FILIP1L: variants seen among roughly 807,000 people sequenced by gnomAD.
FILIP1L encodes filamin A interacting protein 1 like.
In FILIP1L, 55 loss-of-function variants were observed where a neutral mutation model predicts 96.6. The ratio of observed to expected loss-of-function variants is 0.57; its 90% CI spans 0.46 to 0.71. The LOEUF (loss-of-function observed/expected upper bound fraction) is 0.71. FILIP1L is among the 30% of genes least tolerant of loss of function. FILIP1L has a pLI of 0.00. For missense variants in FILIP1L, 1,304 were observed against 1,321.2 expected (o/e 0.99, Z 0.20); for synonymous variants, 467 against 473.9 (o/e 0.99, Z 0.19).
At chr3:100,014,612 A>G (rs1710264106) in intron 1 of FILIP1L, among the ~76,000 whole-genome samples, 1 of 152,020 alleles carries the variant, frequency 6.6e-6, no homozygotes, top group East Asian at 1.9e-4. Context: ...ATTTTTTCAT[A>G]TACCTGTTGG....
At chr3:99,932,781 C>T (rs1433012178) in intron 1 of FILIP1L, among the ~76,000 whole-genome samples, 1 of 152,152 alleles carries the variant, frequency 6.6e-6, no homozygotes, top group African/African-American at 2.4e-5. Flanking sequence ...ATCCCAGCTA[C>T]TCAGGAGGCT....
Position 99,850,049 on chromosome 3 carries a change from T to G in FILIP1L, c.1627A>C (p.Thr543Pro), listed in dbSNP as rs760939603. 25 of 1,611,236 alleles carry G rather than the reference T, an allele frequency of 1.6e-5. No homozygotes were observed. The highest frequency in any genetic ancestry group is 2.0e-5 in the Non-Finnish European group (24 of 1,179,342). Reference sequence around the variant, plus strand: ...GTTTTGGACTTGAGCGCCCTTTTAGTTTCCTCAATTAACTTCTCAGTAACT... The same window carrying G: ...GTTTTGGACTTGAGCGCCCTTTTAGGTTCCTCAATTAACTTCTCAGTAACT... ...TTVTEKLIEE[T>P]KRALKSKTDV... is the part of the protein sequence containing the mutation. Residue 543 changes from threonine to proline, a missense_variant, in exon 5 of 6, where the codon ACT becomes CCT. Physicochemically the swap from Thr to Pro is conservative, Grantham distance 38 (BLOSUM62 -1). Coordinates refer to ENST00000477258, the MANE Select transcript of FILIP1L (RefSeq NM_001387850.1).
At chr3:99,974,207 T>A (rs954744212) in intron 1 of FILIP1L, among the ~76,000 whole-genome samples, 2 of 152,254 alleles carry the variant, frequency 1.3e-5, no homozygotes, top group Admixed American at 1.3e-4. Context: ...CAATTTATCA[T>A]TGAAGGACTT....
chr3:99,848,779 A>G lies in FILIP1L; in HGVS notation c.2897T>C (p.Leu966Pro). Residue 966 changes from leucine (L) to proline (P), a missense_variant, in exon 5 of 6, where the codon CTC becomes CCC. Leu to Pro is a moderately conservative substitution (Grantham distance 98). Coordinates refer to ENST00000477258, the MANE Select transcript of FILIP1L (RefSeq NM_001387850.1). ...PVKSKTSTED[L>P]MNLEQGMSPI... ...GGACATGCCTTGTTCTAAATTCATG[A>G]GGTCTTCGGTAGAGGTTTTGGACTT... 1.9e-6 allele frequency: 3 copies of G among 1,614,088 alleles called. No individual in the cohort carries two copies. The highest frequency in any genetic ancestry group is 2.5e-6 in the Non-Finnish European group (3 of 1,180,000).
intron 4 of FILIP1L, among the ~76,000 whole-genome samples, chr3:99,880,868 G>A (rs1705702210): frequency 6.6e-6 from 1 of 151,988 alleles, no homozygotes; most frequent in East Asian, 1.9e-4. Flanking sequence ...AGTGTGGATG[G>A]ACCCTGTATG....
At chr3:99,924,710 C>G (rs1210102188) in intron 3 of FILIP1L, among the ~76,000 whole-genome samples, 6 of 152,006 alleles carry the variant, frequency 3.9e-5, no homozygotes, top group Admixed American at 2.0e-4. Flanking sequence ...TTAGTAGAGA[C>G]AGGGTTTCTC....
At chr3:99,917,538 T>A (rs184138714) in intron 4 of FILIP1L, among the ~76,000 whole-genome samples, 11 of 152,304 alleles carry the variant, frequency 7.2e-5, no homozygotes, top group Admixed American at 4.6e-4. Context: ...AGGCCTCACT[T>A]TTCTCAATTC....
chr3:100,026,763 C>G lies in FILIP1L; in HGVS notation c.-11+87290G>C, dbSNP rs375810411. Among the ~76,000 whole-genome samples the G allele has an allele frequency of 3.6e-4, 55 of 152,278 alleles. 2 individuals are homozygous for G. The South Asian group carries it at 7.3e-3, about 20-fold the overall frequency. On this transcript the variant is annotated intron_variant, in intron 1 of 5. Transcript: ENST00000477258. ...TGTGGTCCAAACCACCACCGTCTCT[C>G]TCCAAGATTGTTGCAGTAGCCTCCT...
At chr3:99,869,118 G>C (rs189388214) in intron 4 of FILIP1L, among the ~76,000 whole-genome samples, 4 of 152,302 alleles carry the variant, frequency 2.6e-5, no homozygotes, top group Admixed American at 2.6e-4. Context: ...AATGGAAGAA[G>C]GACAAGTAGA....
intron 1 of FILIP1L, among the ~76,000 whole-genome samples, chr3:99,971,243 G>A (rs2107717381): frequency 6.6e-6 from 1 of 152,212 alleles, no homozygotes; most frequent in Non-Finnish European, 1.5e-5. Flanking sequence ...GGGAGGCTGA[G>A]GCAGGAGAAT....
At chr3:100,109,227 A>G (rs550534677) in intron 1 of FILIP1L, among the ~76,000 whole-genome samples, 2 of 152,106 alleles carry the variant, frequency 1.3e-5, no homozygotes, top group African/African-American at 2.4e-5. Flanking sequence ...CCTAAAAAAA[A>G]ATTTTTCAAT....
At chr3:99,908,209 T>C (rs547064874) in intron 4 of FILIP1L, among the ~76,000 whole-genome samples, 4 of 152,342 alleles carry the variant, frequency 2.6e-5, no homozygotes, top group African/African-American at 9.6e-5. Flanking sequence ...GCTGACATAG[T>C]ATGTCCATTA....
At chr3:99,873,017 G>C (rs1705313901) in intron 4 of FILIP1L, among the ~76,000 whole-genome samples, 1 of 151,960 alleles carries the variant, frequency 6.6e-6, no homozygotes, top group Non-Finnish European at 1.5e-5. Context: ...CTCAAAACAT[G>C]AATGTCCTAC....
At chr3:100,110,266 G>A (rs1168586891) in intron 1 of FILIP1L, among the ~76,000 whole-genome samples, 1 of 152,068 alleles carries the variant, frequency 6.6e-6, no homozygotes, top group Admixed American at 6.6e-5. Context: ...GATGTTAGGG[G>A]CAGCTGAAAC....
At chr3:99,846,714 A>C (rs976911991) in intron 5 of FILIP1L, among the ~76,000 whole-genome samples, 1 of 152,210 alleles carries the variant, frequency 6.6e-6, no homozygotes, top group Non-Finnish European at 1.5e-5. Context: ...TCGCTTTACT[A>C]TCATGAAATT....
intron 1 of FILIP1L, among the ~76,000 whole-genome samples, chr3:100,056,646 A>G (rs1019088017): frequency 2.6e-5 from 4 of 152,080 alleles, no homozygotes; most frequent in African/African-American, 9.7e-5. Flanking sequence ...GCTGGAAACA[A>G]TAAATGTCTT....
intron 4 of FILIP1L, among the ~76,000 whole-genome samples, chr3:99,882,923 A>G (rs2107604420): frequency 6.6e-6 from 1 of 152,356 alleles, no homozygotes. Flanking sequence ...GATTGGCCAC[A>G]TGTCAAAACC....
intron 1 of FILIP1L, among the ~76,000 whole-genome samples, chr3:99,972,867 T>A (rs1469050848): frequency 2.6e-5 from 4 of 152,254 alleles, no homozygotes; most frequent in Admixed American, 6.5e-5. Context: ...ACTTTTTCTT[T>A]CATGTTAGAT....
In FILIP1L at chr3:99,924,403, G is replaced by T. The variant is rs755586254; in HGVS notation, c.432C>A (p.Asp144Glu). 1 of 1,613,698 alleles carries T rather than the reference G, an allele frequency of 6.2e-7. No individual in the cohort carries two copies. Among genetic ancestry groups the T allele is most frequent in the Admixed American group, 1.7e-5 (1 of 59,920 alleles). The change falls in exon 4 of 6, where the codon GAC becomes GAA. Residue 144 changes from aspartate to glutamate, a missense_variant. Coordinates refer to ENST00000477258, the MANE Select transcript of FILIP1L (RefSeq NM_001387850.1). The part of the protein sequence containing the change: ...DIYEKPMNEL[D>E]KVVEKHKESY... ...ATTCTTTATGTTTTTCCACAACTTT[G>T]TCCAACTACGAAAGAAAACATTTAT...
Sources: gnomAD v4.1 joint callset for allele counts (sites outside exome capture counted in the v4.1 genomes callset) on GRCh38, gnomAD v4.1.1 for gene constraint, MANE v1.5 for transcripts, NCBI Gene and HGNC (gene_info 2026-07-23, HGNC 2026-07-21) for gene names.